Variants in VAT1L observed in about 807,000 individuals in gnomAD.
VAT1L encodes the protein putative NADPH-dependent quinone oxidoreductase VAT1L.
Under a neutral mutation model 44.1 loss-of-function variants are expected in VAT1L, and 34 were observed. That is an observed-to-expected ratio of 0.77 (90% CI 0.59 to 1.03). The LOEUF is 1.03. Ranked by LOEUF, VAT1L falls within the 50% of genes least tolerant of loss-of-function variation. VAT1L has a pLI of 0.00. For synonymous variants in VAT1L, 253 were observed against 202.2 expected (o/e 1.25, Z -2.13); for missense variants, 615 against 538.8 (o/e 1.14, Z -1.40).
intron 7 of VAT1L, among the ~76,000 whole-genome samples, chr16:77,921,598 C>G (rs2017612720): frequency 6.6e-6 from 1 of 152,208 alleles, no homozygotes; most frequent in Non-Finnish European, 1.5e-5. Flanking sequence ...TCTATTTTAT[C>G]TGTTCCTCTT....
chr16:77,877,074 A>G (rs927825394), intron 5 of VAT1L, among the ~76,000 whole-genome samples: 1 of 152,144 alleles, frequency 6.6e-6, no homozygotes, highest in Non-Finnish European at 1.5e-5. Flanking sequence ...CTCTTTCTAC[A>G]TTCACTTCTA....
intron 7 of VAT1L, among the ~76,000 whole-genome samples, chr16:77,931,134 T>G (rs2017726741): frequency 6.6e-6 from 1 of 152,208 alleles, no homozygotes; most frequent in Non-Finnish European, 1.5e-5. Flanking sequence ...CTTAATGCTC[T>G]TATTAGATTG....
At chr16:77,910,138 G>A (rs1257210081) in intron 7 of VAT1L, among the ~76,000 whole-genome samples, 1 of 152,212 alleles carries the variant, frequency 6.6e-6, no homozygotes, top group African/African-American at 2.4e-5. Context: ...CATCCCTGAA[G>A]TCCTACTTGA....
chr16:77,898,762 G>T (rs2017350513), intron 7 of VAT1L, among the ~76,000 whole-genome samples: 1 of 152,188 alleles, frequency 6.6e-6, no homozygotes, highest in Non-Finnish European at 1.5e-5. Context: ...CTGCTGTGCT[G>T]CAAACAGGCT....
At chr16:77,896,393 G>T (rs562608553) in intron 7 of VAT1L, among the ~76,000 whole-genome samples, 1 of 152,290 alleles carries the variant, frequency 6.6e-6, no homozygotes, top group East Asian at 1.9e-4. Flanking sequence ...ATGTGCATGG[G>T]CAATTTCCTG....
intron 7 of VAT1L, among the ~76,000 whole-genome samples, chr16:77,898,871 A>G (rs1005747861): frequency 6.6e-6 from 1 of 152,250 alleles, no homozygotes; most frequent in Non-Finnish European, 1.5e-5. Context: ...TGATAAACAC[A>G]TGCTGGTGTT....
chr16:77,903,551 A>T (rs2017406955), intron 7 of VAT1L, among the ~76,000 whole-genome samples: 1 of 152,144 alleles, frequency 6.6e-6, no homozygotes, highest in South Asian at 2.1e-4. Flanking sequence ...GGTGTACAAA[A>T]ATGGAAAAAT....
chr16:77,916,724 C>T (rs993472114), intron 7 of VAT1L, among the ~76,000 whole-genome samples: 2 of 151,820 alleles, frequency 1.3e-5, no homozygotes, highest in Non-Finnish European at 2.9e-5. Flanking sequence ...AGAATCTATG[C>T]TGGAATCGTC....
At chr16:77,796,155 C>G (rs2015930029) in intron 1 of VAT1L, among the ~76,000 whole-genome samples, 1 of 152,106 alleles carries the variant, frequency 6.6e-6, no homozygotes, top group Admixed American at 6.6e-5. Context: ...GTCTTATTTG[C>G]TTTACTTACA....
intron 7 of VAT1L, among the ~76,000 whole-genome samples, chr16:77,935,493 G>A (rs111830551): frequency 0.051 from 6,694 of 132,452 alleles, 166 homozygotes; most frequent in African/African-American, 0.062. Flanking sequence ...ATTCAATGAC[G>A]GTTTATAAAA....
intron 7 of VAT1L, among the ~76,000 whole-genome samples, chr16:77,959,121 A>G (rs2018135213): frequency 6.6e-6 from 1 of 152,108 alleles, no homozygotes; most frequent in African/African-American, 2.4e-5. Flanking sequence ...CACGCCAGTC[A>G]CCTCCTCTGC....
intron 7 of VAT1L, among the ~76,000 whole-genome samples, chr16:77,956,993 T>A (rs1209891829): frequency 1.3e-5 from 2 of 152,170 alleles, no homozygotes; most frequent in East Asian, 3.8e-4. Flanking sequence ...CAGCCCTTTT[T>A]CTCCAAGCCT....
At chr16:77,858,805 C>G (rs1198334570) in intron 3 of VAT1L, among the ~76,000 whole-genome samples, 2 of 151,948 alleles carry the variant, frequency 1.3e-5, no homozygotes, top group South Asian at 2.1e-4. Context: ...TCTAGACCAG[C>G]CTGGGTAACA....
intron 7 of VAT1L, among the ~76,000 whole-genome samples, chr16:77,885,919 C>G (rs1447028926): frequency 6.6e-6 from 1 of 152,072 alleles, no homozygotes; most frequent in Non-Finnish European, 1.5e-5. Context: ...AGGAATGTGC[C>G]TATATCTCTC....
intron 7 of VAT1L, among the ~76,000 whole-genome samples, chr16:77,953,322 A>G (rs1220927912): frequency 6.6e-6 from 1 of 152,202 alleles, no homozygotes; most frequent in Admixed American, 6.5e-5. Flanking sequence ...CAACCCTAGG[A>G]AACTAATATA....
At chr16:77,866,728 A>G (rs2016978315) in intron 4 of VAT1L, among the ~76,000 whole-genome samples, 2 of 150,858 alleles carry the variant, frequency 1.3e-5, no homozygotes, top group Admixed American at 1.3e-4. Context: ...AAGGGAATAG[A>G]AAAAAAAATA....
chr16:77,810,031 C>T (rs1365339419), intron 1 of VAT1L, among the ~76,000 whole-genome samples: 1 of 152,098 alleles, frequency 6.6e-6, no homozygotes, highest in Non-Finnish European at 1.5e-5. Flanking sequence ...AAGAAAGAGA[C>T]AGACAAATGA....
intron 7 of VAT1L, among the ~76,000 whole-genome samples, chr16:77,932,983 A>T (rs983922613): frequency 6.6e-6 from 1 of 152,162 alleles, no homozygotes. Flanking sequence ...CACACATTTC[A>T]TTGGCTAGAA....
chr16:77,818,380 G>C (rs1358229875), intron 2 of VAT1L, among the ~76,000 whole-genome samples: 1 of 148,760 alleles, frequency 6.7e-6, no homozygotes, highest in Non-Finnish European at 1.5e-5. Flanking sequence ...TTGAGAAAGA[G>C]GCAGTAAATG....
Sources: gnomAD v4.1 joint callset for allele counts (sites outside exome capture counted in the v4.1 genomes callset) on GRCh38, gnomAD v4.1.1 for gene constraint, MANE v1.5 for transcripts, NCBI Gene and HGNC (gene_info 2026-07-23, HGNC 2026-07-21) for gene names.